ANKRD26: variants seen among roughly 807,000 people sequenced by gnomAD.
ANKRD26 encodes ankyrin repeat domain 26, also known as ankyrin repeat domain-containing protein 26.
ANKRD26 carries 141 observed loss-of-function variants against 208.7 expected under a neutral mutation model. The observed-to-expected ratio is 0.68, with a 90% CI of 0.59 to 0.78. ANKRD26 has a LOEUF of 0.78. Ranked by LOEUF, ANKRD26 falls within the 30% of genes least tolerant of loss-of-function variation. The probability of loss-of-function intolerance (pLI) is 0.00; values close to 1 mark genes in which losing one functional copy is unlikely to be tolerated. For missense variants in ANKRD26, 1,889 were observed against 1,938.7 expected (o/e 0.97, Z 0.48); for synonymous variants, 636 against 660.4 (o/e 0.96, Z 0.57).
At chr10:27,072,123 C>T (rs1227376196) in intron 9 of ANKRD26, among the ~76,000 whole-genome samples, 2 of 152,152 alleles carry the variant, frequency 1.3e-5, no homozygotes, top group Non-Finnish European at 2.9e-5. Flanking sequence ...GTTCCACAGG[C>T]GGATCAGGAG....
rs372972987 is a variant in ANKRD26 at position 27,064,060 on chromosome 10, G to A, written c.1291C>T (p.Gln431Ter). Reference protein sequence around the residue: ...DSESISENFPQKYVDPLAGAA... With the variant: ...DSESISENFP ...CCAGCTAAAGGATCAACATACTTCTGTGGAAAATTCTCAGAGATACTCTGT... is the reference window on the plus strand; with the variant it reads ...CCAGCTAAAGGATCAACATACTTCTATGGAAAATTCTCAGAGATACTCTGT... The change falls in exon 12 of 34, where the codon CAG becomes TAG. Residue 431 changes from glutamine (Q) to a stop codon, truncating the protein, a stop_gained. Coordinates refer to ENST00000376087, the MANE Select transcript of ANKRD26 (RefSeq NM_014915.3). LOFTEE classifies it high-confidence loss of function. The A allele has an allele frequency of 2.5e-6, 4 of 1,610,552 alleles. No individual in the cohort carries two copies. The African/African-American group carries it at 4.0e-5, about 16-fold the overall frequency.
Position 27,014,483 on chromosome 10 carries a change from T to C in ANKRD26, c.4724+11A>G, listed in dbSNP as rs772539619. On this transcript the variant is annotated intron_variant, in intron 31 of 33. Transcript: ENST00000376087. ...TTAATTTATTTCCTATGATTCTATATTTTGACTTACTTGGTTAGTTTACTT... is the reference window on the plus strand; with the variant it reads ...TTAATTTATTTCCTATGATTCTATACTTTGACTTACTTGGTTAGTTTACTT... 6 of 1,524,730 alleles carry C rather than the reference T, an allele frequency of 3.9e-6. No homozygotes were observed. In the Admixed American group the frequency reaches 1.0e-4, roughly 26 times the overall value. The allele number at this position is 1,524,730 out of a possible 1,614,324, so 94.5% of individuals were successfully genotyped here. A position where few individuals can be genotyped will look rare whatever the true frequency, so the allele number is the denominator to read the frequency against.
At chr10:26,961,905 T>C in the ANKRD26 span, among the ~76,000 whole-genome samples, 1 of 152,170 alleles carries the variant, frequency 6.6e-6, no homozygotes, top group African/African-American at 2.4e-5. Context: ...GGTGAAGAAT[T>C]GCCAATATAT....
intron 32 of ANKRD26, among the ~76,000 whole-genome samples, chr10:27,011,661 A>G (rs748122918): frequency 6.6e-6 from 1 of 152,208 alleles, no homozygotes; most frequent in Non-Finnish European, 1.5e-5. Flanking sequence ...TAGAAGAGCA[A>G]GACAAAACTA....
intron 9 of ANKRD26, among the ~76,000 whole-genome samples, chr10:27,073,795 C>T (rs1443761045): frequency 2.0e-5 from 3 of 152,202 alleles, no homozygotes; most frequent in Admixed American, 2.0e-4. Flanking sequence ...ATTCGTGAGA[C>T]TTCTGCCATT....
the ANKRD26 span, among the ~76,000 whole-genome samples, chr10:26,960,802 C>A: frequency 1.8e-4 from 28 of 152,264 alleles, 2 homozygotes; most frequent in Middle Eastern, 0.014. Context: ...GAATACAAGG[C>A]TTGTGGGATT....
chr10:26,997,645 G>A (rs916143980), intron 4 of ANKRD26, among the ~76,000 whole-genome samples: 2 of 152,178 alleles, frequency 1.3e-5, no homozygotes, highest in African/African-American at 2.4e-5. Flanking sequence ...AGCTGAGGCA[G>A]GGCTTGGAAC....
intron 5 of ANKRD26, chr10:26,995,000 C>T (rs550281886): frequency 6.4e-6 from 3 of 467,988 alleles, no homozygotes; most frequent in African/African-American, 6.0e-5. Flanking sequence ...CCTGCTCTAA[C>T]ATTTCCATGC....
intron 26 of ANKRD26, 38 bp downstream of exon 26, chr10:27,029,244 TATAA>T (rs1468733254): frequency 1.9e-6 from 3 of 1,565,956 alleles, no homozygotes; most frequent in Non-Finnish European, 2.6e-6. Context: ...TTATTTGCTC[TATAA>T]ATAATCATGT....
chr10:27,026,149 G>C (rs887188005), intron 27 of ANKRD26, among the ~76,000 whole-genome samples: 4 of 152,118 alleles, frequency 2.6e-5, no homozygotes, highest in African/African-American at 9.7e-5. Context: ...GAACCTTCTG[G>C]AAAAGTTAGG....
chr10:26,995,757 C>G (rs1478511984), intron 4 of ANKRD26, among the ~76,000 whole-genome samples: 3 of 152,160 alleles, frequency 2.0e-5, no homozygotes, highest in Non-Finnish European at 4.4e-5. Context: ...CTTGAGACAC[C>G]TTGTCCCTTA....
intron 25 of ANKRD26, 39 bp downstream of exon 25, chr10:27,033,186 T>C: frequency 6.5e-7 from 1 of 1,539,762 alleles, no homozygotes; most frequent in Non-Finnish European, 8.9e-7. Flanking sequence ...TTTAACCAGT[T>C]ATAGATTAAC....
At chr10:27,014,778 G>A (rs781636452) in intron 30 of ANKRD26, 67 bp from the exon 31 acceptor site, 43 of 1,265,782 alleles carry the variant, frequency 3.4e-5, no homozygotes, top group East Asian at 1.7e-4. Flanking sequence ...TCACCTACTC[G>A]GTGTCTAAGG....
chr10:27,079,434 A>G (rs1359135793), intron 6 of ANKRD26, among the ~76,000 whole-genome samples: 19 of 152,248 alleles, frequency 1.2e-4, no homozygotes. Flanking sequence ...TAATAGTGAC[A>G]GCCAAGATAA....
In ANKRD26 at chr10:27,028,821, C is replaced by T. The variant is rs763803508; in HGVS notation, c.3972+31G>A. On this transcript the variant is annotated intron_variant, in intron 27 of 33. Coordinates refer to ENST00000376087, the MANE Select transcript of ANKRD26 (RefSeq NM_014915.3). ...CTACTAAAGCAATAAAATTCCTTTTCAGTACGACAGAAATTAAGTGGCTGA... is the reference window on the plus strand; with the variant it reads ...CTACTAAAGCAATAAAATTCCTTTTTAGTACGACAGAAATTAAGTGGCTGA... 3.2e-6 allele frequency: 5 copies of T among 1,552,052 alleles called. No homozygotes were observed. In the Admixed American group the frequency reaches 5.0e-5, roughly 16 times the overall value.
At chr10:27,010,648 A>C (rs1256701375) in intron 32 of ANKRD26, among the ~76,000 whole-genome samples, 1 of 152,022 alleles carries the variant, frequency 6.6e-6, no homozygotes, top group Non-Finnish European at 1.5e-5. Flanking sequence ...AGCGTGCACC[A>C]CCATGCCCAG....
At chr10:27,085,251 C>G (rs919738669) in intron 5 of ANKRD26, among the ~76,000 whole-genome samples, 1 of 151,960 alleles carries the variant, frequency 6.6e-6, no homozygotes, top group African/African-American at 2.4e-5. Context: ...CAGGTGTGCG[C>G]CACCACGCCC....
At chr10:27,081,267 C>T (rs940036633) in intron 6 of ANKRD26, among the ~76,000 whole-genome samples, 3 of 152,112 alleles carry the variant, frequency 2.0e-5, no homozygotes, top group Non-Finnish European at 4.4e-5. Context: ...CATTATCGAA[C>T]TTGTCAAAAA....
At chr10:26,962,346 G>A in the ANKRD26 span, among the ~76,000 whole-genome samples, 26 of 151,996 alleles carry the variant, frequency 1.7e-4, no homozygotes, top group Non-Finnish European at 3.1e-4. Context: ...AGGCTGAGGC[G>A]GGCAGATCAC....
Sources: allele counts gnomAD v4.1 joint callset (sites outside exome capture counted in the v4.1 genomes callset), GRCh38; gene constraint gnomAD v4.1.1; transcripts MANE v1.5; gene names NCBI Gene and HGNC (gene_info 2026-07-23, HGNC 2026-07-21).